MAML3: variants seen among roughly 807,000 people sequenced by gnomAD.
MAML3 encodes mastermind-like protein 3.
In MAML3, 27 loss-of-function variants were observed where a neutral mutation model predicts 101.9. The ratio of observed to expected loss-of-function variants is 0.27; its 90% CI spans 0.20 to 0.37. The LOEUF (loss-of-function observed/expected upper bound fraction) is 0.37, where lower values mean the gene tolerates loss of function less well. MAML3 is among the 10% of genes least tolerant of loss of function. The pLI is 1.00. For missense variants in MAML3, 1,316 were observed against 1,444.9 expected, an observed-to-expected ratio of 0.91 and a Z score of 1.45; for synonymous variants, 501 against 555.9, an observed-to-expected ratio of 0.90 and a Z score of 1.39.
At chr4:139,781,247 C>A (rs1238184551) in intron 2 of MAML3, among the ~76,000 whole-genome samples, 2 of 152,116 alleles carry the variant, frequency 1.3e-5, no homozygotes, top group East Asian at 3.9e-4. Context: ...ATATAACCCA[C>A]CCACGTTTTC....
chr4:140,044,960 C>T (rs1271953205), intron 1 of MAML3, among the ~76,000 whole-genome samples: 2 of 152,076 alleles, frequency 1.3e-5, no homozygotes, highest in African/African-American at 4.8e-5. Context: ...AAAGTCATGC[C>T]TGCTTACTTA....
intron 1 of MAML3, among the ~76,000 whole-genome samples, chr4:139,901,732 T>C (rs1262688549): frequency 6.6e-6 from 1 of 152,202 alleles, no homozygotes; most frequent in Admixed American, 6.5e-5. Context: ...ATGTTAGAAC[T>C]AAGCGTGAGG....
chr4:139,826,322 T>C (rs1316601139), intron 2 of MAML3, among the ~76,000 whole-genome samples: 1 of 152,084 alleles, frequency 6.6e-6, no homozygotes, highest in Non-Finnish European at 1.5e-5. Context: ...CCTCACAGTG[T>C]GAATTCAGAG....
chr4:139,845,383 G>A (rs1731423481), intron 2 of MAML3, among the ~76,000 whole-genome samples: 1 of 152,192 alleles, frequency 6.6e-6, no homozygotes, highest in Non-Finnish European at 1.5e-5. Context: ...AGTTCTGGGT[G>A]TCTGAATCAG....
Position 139,890,911 on chromosome 4 carries a change from G to T in MAML3, c.525C>A (p.Asp175Glu). 6.2e-7 allele frequency: 1 copy of T among 1,613,572 alleles called. No homozygotes were observed. The highest frequency in any genetic ancestry group is 8.5e-7 in the Non-Finnish European group (1 of 1,179,686). Residue 175 changes from aspartate (D) to glutamate (E), a missense_variant, in exon 2 of 5, where the codon GAC becomes GAA. Physicochemically the swap from Asp to Glu is conservative, Grantham distance 45 (BLOSUM62 2). Transcript: ENST00000509479. The surrounding 1 kb of genome is among the most constrained non-coding windows in gnomAD (Gnocchi z 4.1). ...LEGARSPLNG[D>E]QQNGACDGNF... ...TCCCATCACAAGCACCATTCTGCTG[G>T]TCTCCATTAAGTGGTGATCGAGCTC...
chr4:139,984,627 T>C (rs1734505039), intron 1 of MAML3, among the ~76,000 whole-genome samples: 1 of 152,228 alleles, frequency 6.6e-6, no homozygotes, highest in African/African-American at 2.4e-5. Context: ...ACATGAGATT[T>C]ATTTTAAGGA....
chr4:139,744,276 T>C (rs555412451), intron 2 of MAML3, among the ~76,000 whole-genome samples: 111 of 152,220 alleles, frequency 7.3e-4, no homozygotes, highest in Non-Finnish European at 1.3e-3. Context: ...CTGTGCAGCA[T>C]TGCATATCCT....
chr4:139,798,712 A>G (rs1027207686), intron 2 of MAML3, among the ~76,000 whole-genome samples: 3 of 152,194 alleles, frequency 2.0e-5, no homozygotes, highest in Non-Finnish European at 4.4e-5. Flanking sequence ...ACTTCCTCCT[A>G]GTACAGATGG....
chr4:140,017,420 T>C (rs1031280498), intron 1 of MAML3, among the ~76,000 whole-genome samples: 2 of 152,118 alleles, frequency 1.3e-5, no homozygotes, highest in African/African-American at 4.8e-5. Flanking sequence ...GCAACTACCA[T>C]ATGACCAAGC....
intron 1 of MAML3, among the ~76,000 whole-genome samples, chr4:140,056,212 A>T (rs1727346047): frequency 6.6e-6 from 1 of 152,102 alleles, no homozygotes; most frequent in Non-Finnish European, 1.5e-5. Flanking sequence ...TACCAAATTA[A>T]CTGGTGTTCA....
At chr4:140,071,928 T>C (rs1029960012) in intron 1 of MAML3, among the ~76,000 whole-genome samples, 3 of 152,098 alleles carry the variant, frequency 2.0e-5, no homozygotes, top group Non-Finnish European at 4.4e-5. Flanking sequence ...TAGAATGTAA[T>C]ATTTGAAGAA....
chr4:140,046,283 C>T (rs765927274), intron 1 of MAML3, among the ~76,000 whole-genome samples: 1 of 152,132 alleles, frequency 6.6e-6, no homozygotes, highest in Admixed American at 6.5e-5. Flanking sequence ...AGTGTGAGAT[C>T]GTGGCTAGTT....
In MAML3 at chr4:139,719,440, T is replaced by A; in HGVS notation, c.3300A>T (p.Gly1100=). 1 of 1,613,956 alleles carries A rather than the reference T, an allele frequency of 6.2e-7. No homozygotes were observed. Among genetic ancestry groups the A allele is most frequent in the Non-Finnish European group, 8.5e-7 (1 of 1,179,878 alleles). The part of the protein sequence containing the change: ...QDVSYNYSGD[G]AGGSFPGLPD... ...GGAGGCCAGGGAAGGAACCCCCAGCTCCGTCGCCACTGTAATTGTATGACA... is the reference window on the plus strand; with the variant it reads ...GGAGGCCAGGGAAGGAACCCCCAGCACCGTCGCCACTGTAATTGTATGACA... The change falls in exon 5 of 5, where the codon GGA becomes GGT. Residue 1100 remains glycine, a synonymous_variant. Transcript: ENST00000509479.
At chr4:140,037,873 T>C (rs1239507631) in intron 1 of MAML3, among the ~76,000 whole-genome samples, 1 of 152,254 alleles carries the variant, frequency 6.6e-6, no homozygotes, top group African/African-American at 2.4e-5. Context: ...GCTACACTGC[T>C]CTGCTGTATG....
At chr4:139,845,555 C>A (rs557351327) in intron 2 of MAML3, among the ~76,000 whole-genome samples, 2 of 152,088 alleles carry the variant, frequency 1.3e-5, no homozygotes, top group African/African-American at 4.8e-5. Context: ...AGATCTCACA[C>A]GGTAAATGAC....
intron 1 of MAML3, among the ~76,000 whole-genome samples, chr4:140,030,695 C>T (rs1202586554): frequency 6.6e-6 from 1 of 152,184 alleles, no homozygotes; most frequent in African/African-American, 2.4e-5. Flanking sequence ...ATCCCAGTCT[C>T]CCAGCTTGCG....
intron 2 of MAML3, among the ~76,000 whole-genome samples, chr4:139,792,940 G>GT (rs1730444321): frequency 6.6e-6 from 1 of 151,918 alleles, no homozygotes; most frequent in Non-Finnish European, 1.5e-5. Flanking sequence ...TAGAGACGGG[G>GT]TTTCACCATG....
chr4:140,051,376 G>A (rs1188909442), intron 1 of MAML3, among the ~76,000 whole-genome samples: 1 of 151,910 alleles, frequency 6.6e-6, no homozygotes, highest in African/African-American at 2.4e-5. Context: ...CCAACATGGT[G>A]AAACCCTGTC....
intron 1 of MAML3, among the ~76,000 whole-genome samples, chr4:140,032,879 TA>T (rs34897100): frequency 0.72 from 99,225 of 137,646 alleles, 39,938 homozygotes; most frequent in East Asian, 0.93. Context: ...TCATTGTTTG[TA>T]AAAAAAAAAA....
Sources: gnomAD v4.1 joint callset for allele counts (sites outside exome capture counted in the v4.1 genomes callset) on GRCh38, gnomAD v4.1.1 for gene constraint, Gnocchi (gnomAD v3.1) non-coding constraint, MANE v1.5 for transcripts, NCBI Gene and HGNC (gene_info 2026-07-23, HGNC 2026-07-21) for gene names.